The following UGGT2 variants were observed in gnomAD, a reference collection of about 807,000 sequenced individuals.
UGGT2 encodes UDP-glucose:glycoprotein glucosyltransferase 2.
UGGT2 carries 180 observed loss-of-function variants against 192.1 expected under a neutral mutation model. The ratio of observed to expected loss-of-function variants is 0.94; its 90% CI spans 0.83 to 1.06. The LOEUF (loss-of-function observed/expected upper bound fraction) is 1.06. UGGT2 is among the 50% of genes least tolerant of loss of function. The pLI is 0.00. For synonymous variants in UGGT2, 580 were observed against 591.0 expected, an observed-to-expected ratio of 0.98 and a Z score of 0.27; for missense variants, 1,849 against 1,795.7, an observed-to-expected ratio of 1.03 and a Z score of -0.54.
intron 38 of UGGT2, among the ~76,000 whole-genome samples, chr13:95,807,358 G>C (rs1347800934): frequency 6.6e-6 from 1 of 152,170 alleles, no homozygotes; most frequent in Non-Finnish European, 1.5e-5. Context: ...AGGGGAGGCA[G>C]CAGAGGCAGG....
intron 1 of UGGT2, among the ~76,000 whole-genome samples, chr13:96,051,994 A>T (rs1417976974): frequency 6.6e-6 from 1 of 152,182 alleles, no homozygotes; most frequent in Non-Finnish European, 1.5e-5. Context: ...ACCCAGAGGA[A>T]AAGAAGTCAT....
intron 29 of UGGT2, 73 bp from the exon 30 acceptor site, chr13:95,867,496 C>A: frequency 7.9e-7 from 1 of 1,266,268 alleles, no homozygotes. Context: ...ACAGAATAAA[C>A]TCATTTTGCA....
intron 3 of UGGT2, among the ~76,000 whole-genome samples, 198 bp downstream of exon 3, chr13:96,023,431 C>G (rs1215409946): frequency 6.6e-6 from 1 of 151,798 alleles, no homozygotes; most frequent in Non-Finnish European, 1.5e-5. Context: ...TTCCTTATCC[C>G]AAATAACTAT....
At chr13:96,021,938 T>C (rs1047666631) in intron 4 of UGGT2, among the ~76,000 whole-genome samples, 6 of 152,098 alleles carry the variant, frequency 3.9e-5, no homozygotes, top group Non-Finnish European at 7.4e-5. Context: ...ACAAGGCTTT[T>C]GGGGAAGGGG....
intron 1 of UGGT2, among the ~76,000 whole-genome samples, chr13:96,041,981 C>T (rs2053177324): frequency 6.6e-6 from 1 of 152,104 alleles, no homozygotes; most frequent in African/African-American, 2.4e-5. Context: ...TTAGGAGTTC[C>T]AGGGCCCACC....
intron 38 of UGGT2, among the ~76,000 whole-genome samples, chr13:95,825,612 T>A (rs1885955279): frequency 6.6e-6 from 1 of 152,160 alleles, no homozygotes; most frequent in East Asian, 1.9e-4. Flanking sequence ...CCAGGAAGGC[T>A]GTCTATAGGT....
At chr13:95,950,628 ATTAC>A (rs1208889672) in intron 12 of UGGT2, among the ~76,000 whole-genome samples, 1 of 151,368 alleles carries the variant, frequency 6.6e-6, no homozygotes, top group African/African-American at 2.4e-5. Context: ...AACCCCAAAG[ATTAC>A]TTAGACAAGG....
rs201877038 is a variant in UGGT2, at chr13:96,015,547, G to C, written c.486-2066C>G. ...AGGTAGAAAAATTATACCTATAGAG[G>C]ATGGCTGGATAAGAGGAAAATGATC... is the stretch of plus-strand genomic sequence containing the variant. On this transcript the variant is annotated intron_variant, in intron 4 of 38. Coordinates refer to ENST00000376747, the MANE Select transcript of UGGT2 (RefSeq NM_020121.4). Among the ~76,000 whole-genome samples, 20 of 152,210 alleles carry C rather than the reference G, an allele frequency of 1.3e-4. No individual in the cohort carries two copies. The East Asian group carries it at 3.9e-3, about 29-fold the overall frequency.
chr13:95,968,573 C>A (rs906367632), intron 12 of UGGT2, among the ~76,000 whole-genome samples: 1 of 152,060 alleles, frequency 6.6e-6, no homozygotes, highest in South Asian at 2.1e-4. Context: ...ATGTATGGCA[C>A]CTACCCTCCA....
chr13:96,040,713 A>T (rs2053140817), intron 1 of UGGT2, among the ~76,000 whole-genome samples: 1 of 152,202 alleles, frequency 6.6e-6, no homozygotes, highest in Admixed American at 6.5e-5. Context: ...AAAAATCCTA[A>T]ATTGAACCAT....
Position 95,927,232 on chromosome 13 carries a change from G to C in UGGT2, c.2082C>G (p.Leu694=). ...TLILRTNQQY[L]NLISTSVTAD... ...TTTTACCTGATGTAGATATTAAATTGAGGTACTGCTGGTTAGTACGCAAAA... is the reference window on the plus strand; with the variant it reads ...TTTTACCTGATGTAGATATTAAATTCAGGTACTGCTGGTTAGTACGCAAAA... The change falls in exon 18 of 39, where the codon CTC becomes CTG. Residue 694 remains leucine (L), a synonymous_variant. Transcript: ENST00000376747. 1 of 1,611,612 alleles carries C rather than the reference G, an allele frequency of 6.2e-7. No homozygotes were observed. The highest frequency in any genetic ancestry group is 8.5e-7 in the Non-Finnish European group (1 of 1,178,260).
chr13:95,905,634 C>T (rs1380446924), intron 20 of UGGT2, among the ~76,000 whole-genome samples: 1 of 152,020 alleles, frequency 6.6e-6, no homozygotes, highest in Non-Finnish European at 1.5e-5. Flanking sequence ...TCTGAGGGTT[C>T]TGTTCTGTTC....
chr13:95,912,131 T>C (rs1464321339), intron 20 of UGGT2, among the ~76,000 whole-genome samples: 1 of 152,172 alleles, frequency 6.6e-6, no homozygotes, highest in Non-Finnish European at 1.5e-5. Context: ...GCCAATATCA[T>C]ACTGAATGGG....
chr13:95,983,495 T>A, intron 10 of UGGT2: 2 of 452,042 alleles, frequency 4.4e-6, no homozygotes, highest in South Asian at 3.4e-5. Context: ...CACAAGCTTT[T>A]AAGCAAAACT....
chr13:95,925,757 C>A lies in UGGT2; in HGVS notation c.2218G>T (p.Ala740Ser). Residue 740 changes from alanine (A) to serine (S), a missense_variant, in exon 20 of 39, where the codon GCA becomes TCA. Ala to Ser is a moderately conservative substitution (Grantham distance 99). Transcript: ENST00000376747. ...LTQDDESIIS[A>S]VTLWIIADFD... ...TCTGCAATAATCCAGAGAGTGACTGCAGAAATTATACTCTCATCTGAAAGT... is the reference window on the plus strand; with the variant it reads ...TCTGCAATAATCCAGAGAGTGACTGAAGAAATTATACTCTCATCTGAAAGT... 1.3e-6 allele frequency: 2 copies of A among 1,553,520 alleles called. No individual in the cohort carries two copies. Among genetic ancestry groups the A allele is most frequent in the South Asian group, 1.3e-5 (1 of 78,518 alleles).
chr13:95,810,543 T>C (rs934548396), intron 38 of UGGT2, among the ~76,000 whole-genome samples: 1 of 152,228 alleles, frequency 6.6e-6, no homozygotes, highest in Non-Finnish European at 1.5e-5. Flanking sequence ...TATGCATTCA[T>C]GACATACCTA....
chr13:95,890,575 G>C (rs908602727), intron 25 of UGGT2, among the ~76,000 whole-genome samples: 3 of 152,188 alleles, frequency 2.0e-5, no homozygotes, highest in African/African-American at 7.2e-5. Flanking sequence ...TCTCCAGAGA[G>C]AGTCACATTG....
intron 27 of UGGT2, among the ~76,000 whole-genome samples, chr13:95,878,083 A>G (rs2047392700): frequency 6.6e-6 from 1 of 151,864 alleles, no homozygotes. Flanking sequence ...CCTGAACCTC[A>G]TGGTATATGC....
chr13:95,894,738 G>T, intron 23 of UGGT2, 81 bp from the exon 24 acceptor site: 1 of 1,167,388 alleles, frequency 8.6e-7, no homozygotes, highest in Non-Finnish European at 1.3e-6. Context: ...TTCAAGAAAG[G>T]TTTTATATAT....
Sources: allele counts gnomAD v4.1 joint callset (sites outside exome capture counted in the v4.1 genomes callset), GRCh38; gene constraint gnomAD v4.1.1; transcripts MANE v1.5; gene names NCBI Gene and HGNC (gene_info 2026-07-23, HGNC 2026-07-21).